The following LIN7A variants were observed in gnomAD, a reference collection of about 807,000 sequenced individuals.
LIN7A encodes protein lin-7 homolog A.
Under a neutral mutation model 29.8 loss-of-function variants are expected in LIN7A, and 25 were observed. The observed-to-expected ratio is 0.84, with a 90% CI of 0.61 to 1.17. The LOEUF (loss-of-function observed/expected upper bound fraction) is 1.17, where lower values mean the gene tolerates loss of function less well. Among genes scored for constraint, LIN7A ranks in the 50% most tolerant of loss-of-function variants. The pLI is 0.00. For missense variants in LIN7A, 239 were observed against 287.0 expected, an observed-to-expected ratio of 0.83 and a Z score of 1.21; for synonymous variants, 118 against 107.5, an observed-to-expected ratio of 1.10 and a Z score of -0.60.
intron 1 of LIN7A, among the ~76,000 whole-genome samples, chr12:80,929,481 T>C (rs1877772944): frequency 6.6e-6 from 1 of 152,210 alleles, no homozygotes. Flanking sequence ...AACAAGACCA[T>C]GAACCAAACT....
intron 5 of LIN7A, among the ~76,000 whole-genome samples, chr12:80,811,212 T>A (rs1383924327): frequency 6.6e-6 from 1 of 152,140 alleles, no homozygotes; most frequent in African/African-American, 2.4e-5. Flanking sequence ...AGTATATCAT[T>A]TTCCAAATTA....
chr12:80,836,839 T>A (rs1872606991), intron 4 of LIN7A, among the ~76,000 whole-genome samples: 1 of 152,114 alleles, frequency 6.6e-6, no homozygotes. Context: ...CCATTCTGCT[T>A]CCTTCAGCCC....
chr12:80,821,614 A>T (rs1193765362), intron 4 of LIN7A, among the ~76,000 whole-genome samples: 5 of 152,172 alleles, frequency 3.3e-5, no homozygotes, highest in Non-Finnish European at 5.9e-5. Flanking sequence ...GCCAGTCTGG[A>T]GTGGACACTG....
intron 4 of LIN7A, among the ~76,000 whole-genome samples, chr12:80,821,477 G>A (rs1239643969): frequency 1.3e-5 from 2 of 152,118 alleles, no homozygotes; most frequent in Non-Finnish European, 2.9e-5. Context: ...TCTTTTTGCG[G>A]ATGGAGGGTT....
chr12:80,861,824 A>T (rs772161927), intron 2 of LIN7A, among the ~76,000 whole-genome samples: 5 of 152,252 alleles, frequency 3.3e-5, no homozygotes, highest in African/African-American at 1.2e-4. Context: ...CATGACTTAA[A>T]GATGACTAGT....
intron 4 of LIN7A, among the ~76,000 whole-genome samples, chr12:80,813,987 A>G (rs944460596): frequency 3.3e-5 from 5 of 152,110 alleles, no homozygotes; most frequent in African/African-American, 9.7e-5. Context: ...ATTGTTTGAC[A>G]TTACATTTTC....
At position 80,793,592 on chromosome 12, in the gene LIN7A, C is replaced by T. The variant is rs1389977968; in HGVS notation, c.*4135G>A. 6.6e-6 allele frequency: 1 copy of T among 152,094 alleles called. No individual in the cohort carries two copies. Among genetic ancestry groups the T allele is most frequent in the African/African-American group, 2.4e-5 (1 of 41,420 alleles). 9.4% of individuals were successfully genotyped at this position (152,094 alleles called of 1,614,324 possible). A position where few individuals can be genotyped will look rare whatever the true frequency, so the allele number is the denominator to read the frequency against. ...CTTGTTTGCTGTTGCATTTCCAGAA[C>T]CTAGCATGCACTAGGTACACAATAA... is the stretch of plus-strand genomic sequence containing the variant. On this transcript the variant is annotated 3_prime_UTR_variant, in exon 6 of 6. Transcript: ENST00000552864.
At position 80,794,621 on chromosome 12, in the gene LIN7A, C is replaced by G. The variant is rs1189373672; in HGVS notation, c.*3106G>C. On this transcript the variant is annotated 3_prime_UTR_variant, in exon 6 of 6. Coordinates refer to ENST00000552864, the MANE Select transcript of LIN7A (RefSeq NM_004664.4). ...GTAAATCTGTGTAATCCATCTCGAG[C>G]CAAGTTCTTTGGAGACAGTCTAAAA... 1 of 152,052 alleles carries G rather than the reference C, an allele frequency of 6.6e-6. No homozygotes were observed. The highest frequency in any genetic ancestry group is 1.5e-5 in the Non-Finnish European group (1 of 68,010). The allele number at this position is 152,052 out of a possible 1,614,324, so 9.4% of individuals were successfully genotyped here. A position where few individuals can be genotyped will look rare whatever the true frequency, so the allele number is the denominator to read the frequency against.
chr12:80,814,943 A>G (rs573722761), intron 4 of LIN7A, among the ~76,000 whole-genome samples: 2 of 152,334 alleles, frequency 1.3e-5, no homozygotes, highest in Non-Finnish European at 2.9e-5. Flanking sequence ...CCTCATTTGT[A>G]CTACTGAAAT....
chr12:80,919,335 T>G (rs1877183445), intron 1 of LIN7A, among the ~76,000 whole-genome samples: 1 of 152,170 alleles, frequency 6.6e-6, no homozygotes, highest in African/African-American at 2.4e-5. Flanking sequence ...TAAGAGGAGT[T>G]GGAAAGTGAA....
chr12:80,861,007 C>T (rs773986705), intron 2 of LIN7A: 1 of 152,164 alleles, frequency 6.6e-6, no homozygotes, highest in Non-Finnish European at 1.5e-5. Flanking sequence ...TAAAGGTTTT[C>T]TATCTTGAGT....
intron 1 of LIN7A, among the ~76,000 whole-genome samples, chr12:80,936,161 A>T (rs1716543): frequency 6.6e-6 from 1 of 151,988 alleles, no homozygotes; most frequent in Non-Finnish European, 1.5e-5. Context: ...TGCTTAGTGC[A>T]GATGATGATA....
chr12:80,935,999 T>C (rs1878197865), intron 1 of LIN7A, among the ~76,000 whole-genome samples: 1 of 152,214 alleles, frequency 6.6e-6, no homozygotes, highest in African/African-American at 2.4e-5. Context: ...TTTTTGCTCC[T>C]AACATAGTCA....
intron 2 of LIN7A, among the ~76,000 whole-genome samples, chr12:80,876,956 T>C (rs1430776897): frequency 1.3e-5 from 2 of 151,704 alleles, no homozygotes; most frequent in African/African-American, 2.4e-5. Context: ...ACCCCGTCTC[T>C]ACTAAAAATA....
chr12:80,915,112 G>T (rs911218886), intron 1 of LIN7A, among the ~76,000 whole-genome samples: 4 of 146,468 alleles, frequency 2.7e-5, no homozygotes, highest in African/African-American at 1.0e-4. Flanking sequence ...TCTGGCAAAG[G>T]TCTAATATCC....
intron 1 of LIN7A, among the ~76,000 whole-genome samples, chr12:80,895,460 T>G (rs1030568426): frequency 6.6e-6 from 1 of 152,218 alleles, no homozygotes; most frequent in African/African-American, 2.4e-5. Context: ...TGGATAATGA[T>G]GCAGCTGGGT....
chr12:80,925,618 A>G (rs1877541964), intron 1 of LIN7A, among the ~76,000 whole-genome samples: 2 of 152,190 alleles, frequency 1.3e-5, no homozygotes, highest in South Asian at 4.1e-4. Context: ...TTTACAGATA[A>G]GAAAACTGAG....
At chr12:80,881,235 C>T (rs913858581) in intron 2 of LIN7A, among the ~76,000 whole-genome samples, 2 of 152,088 alleles carry the variant, frequency 1.3e-5, no homozygotes, top group Non-Finnish European at 2.9e-5. Context: ...CTATCATTGG[C>T]AGGAAACTTA....
At chr12:80,827,704 A>G (rs1397578324) in intron 4 of LIN7A, among the ~76,000 whole-genome samples, 1 of 152,032 alleles carries the variant, frequency 6.6e-6, no homozygotes, top group Non-Finnish European at 1.5e-5. Context: ...TCAGTGTAGA[A>G]TGTCCTTCCT....
Sources: allele counts gnomAD v4.1 joint callset (sites outside exome capture counted in the v4.1 genomes callset), GRCh38; gene constraint gnomAD v4.1.1; transcripts MANE v1.5; gene names NCBI Gene and HGNC (gene_info 2026-07-23, HGNC 2026-07-21).